NLRP13: variants seen among roughly 807,000 people sequenced by gnomAD.
The protein encoded by NLRP13 is NACHT, LRR and PYD domains-containing protein 13.
A neutral mutation model predicts 94.4 loss-of-function variants in NLRP13; 82 were observed. The ratio of observed to expected loss-of-function variants is 0.87; its 90% CI spans 0.73 to 1.04. The LOEUF is 1.04. Ranked by LOEUF, NLRP13 falls within the 50% of genes least tolerant of loss-of-function variation. The pLI, the probability that NLRP13 is intolerant of heterozygous loss-of-function variation, is 0.00. For synonymous variants in NLRP13, 553 were observed against 464.7 expected, an observed-to-expected ratio of 1.19 and a Z score of -2.45; for missense variants, 1,426 against 1,230.8, an observed-to-expected ratio of 1.16 and a Z score of -2.37.
Position 55,913,163 on chromosome 19 carries a change from T to A in NLRP13, c.654A>T (p.Leu218=). Residue 218 remains leucine (L), a synonymous_variant, in exon 5 of 11, where the codon CTA becomes CTT. Coordinates refer to ENST00000342929, the MANE Select transcript of NLRP13 (RefSeq NM_176810.2). Reference sequence around the variant, plus strand: ...GGGCTCTAGTCCTATTAGGATCCAGTAGGCGCTGCAGTTCCTCATGTTCGT... The same window carrying A: ...GGGCTCTAGTCCTATTAGGATCCAGAAGGCGCTGCAGTTCCTCATGTTCGT... ...SKDEHEELQR[L]LDPNRTRAQA... 6.2e-7 allele frequency: 1 copy of A among 1,614,166 alleles called. No individual in the cohort carries two copies. Among genetic ancestry groups the A allele is most frequent in the South Asian group, 1.1e-5 (1 of 91,074 alleles).
chr19:55,897,407 C>G (rs1986045410), intron 10 of NLRP13, among the ~76,000 whole-genome samples: 1 of 152,070 alleles, frequency 6.6e-6, no homozygotes, highest in Non-Finnish European at 1.5e-5. Context: ...GTTGTCCCAG[C>G]TACTCAGGAG....
At chr19:55,909,753 G>A (rs572335285) in intron 6 of NLRP13, among the ~76,000 whole-genome samples, 1 of 152,176 alleles carries the variant, frequency 6.6e-6, no homozygotes, top group Admixed American at 6.5e-5. Context: ...GTAATAGAAG[G>A]CCTGATGGCT....
At position 55,912,153 on chromosome 19, in the gene NLRP13, T is replaced by G; in HGVS notation, c.1664A>C (p.Glu555Ala). The change falls in exon 5 of 11, where the codon GAA (glutamate) becomes GCA (alanine). Residue 555 changes from glutamate to alanine, a missense_variant. Physicochemically the swap from Glu to Ala is moderately radical, Grantham distance 107. Coordinates refer to ENST00000342929, the MANE Select transcript of NLRP13 (RefSeq NM_176810.2). ...TGGCTTTGTGGAATGGGGAGGGAAT[T>G]CTCTAGGTTCCTCTAGCACAAAGGA... ...AMSFVLEEPR[E>A]FPPHSTKPQE... 4 of 1,614,134 alleles carry G rather than the reference T, an allele frequency of 2.5e-6. No individual in the cohort carries two copies. Among genetic ancestry groups the G allele is most frequent in the Non-Finnish European group, 2.5e-6 (3 of 1,180,026 alleles).
At chr19:55,907,061 C>T (rs532411433) in intron 7 of NLRP13, among the ~76,000 whole-genome samples, 37 of 152,180 alleles carry the variant, frequency 2.4e-4, no homozygotes, top group Admixed American at 1.4e-3. Flanking sequence ...CGGGTTCAAG[C>T]GAGTCTCCTG....
At chr19:55,925,270 C>T (rs375585833) in intron 1 of NLRP13, among the ~76,000 whole-genome samples, 7 of 152,232 alleles carry the variant, frequency 4.6e-5, no homozygotes, top group African/African-American at 9.6e-5. Context: ...CAGCCCTCCC[C>T]GCTGCCTGGA....
At chr19:55,904,435 C>G (rs1013143759) in intron 8 of NLRP13, among the ~76,000 whole-genome samples, 37 of 152,138 alleles carry the variant, frequency 2.4e-4, no homozygotes, top group Middle Eastern at 3.2e-3. Flanking sequence ...ATACGGCTGC[C>G]TCCCCCTTGC....
chr19:55,899,399 TGAGGTGGG>T (rs2123104067), intron 9 of NLRP13, among the ~76,000 whole-genome samples: 1 of 152,234 alleles, frequency 6.6e-6, no homozygotes, highest in South Asian at 2.1e-4. Context: ...AAATATGGGT[TGAGGTGGG>T]GAGGGATGAG....
chr19:55,894,754 CCT>C (rs1036171554), downstream of NLRP13, among the ~76,000 whole-genome samples: 26 of 152,300 alleles, frequency 1.7e-4, no homozygotes, highest in African/African-American at 5.1e-4. Context: ...TTGTTTCCCC[CCT>C]GTCTACCATG....
At position 55,895,979 on chromosome 19, in the gene NLRP13, T is replaced by C. The variant is rs762565642; in HGVS notation, c.3098A>G (p.Lys1033Arg). 3 of 1,613,964 alleles carry C rather than the reference T, an allele frequency of 1.9e-6. No homozygotes were observed. The highest frequency in any genetic ancestry group is 2.7e-5 in the African/African-American group (2 of 74,932). The part of the protein sequence containing the change: ...DGVKMLCKAL[K>R]KSTCRLQKLG ...TTTCTGCAGCCTGCATGTCGACTTTTTCAAAGCCTTACATAGCATCTTGAC... is the reference window on the plus strand; with the variant it reads ...TTTCTGCAGCCTGCATGTCGACTTTCTCAAAGCCTTACATAGCATCTTGAC... The change falls in exon 11 of 11, where the codon AAA becomes AGA. Residue 1033 changes from lysine to arginine, a missense_variant. By Grantham distance (26) the Lys-to-Arg change is conservative (BLOSUM62 2). Coordinates refer to ENST00000342929, the MANE Select transcript of NLRP13 (RefSeq NM_176810.2).
intron 1 of NLRP13, among the ~76,000 whole-genome samples, chr19:55,929,680 G>A (rs972882677): frequency 2.0e-5 from 3 of 152,086 alleles, no homozygotes; most frequent in African/African-American, 7.2e-5. Context: ...TGTACATGAT[G>A]GGTTGATCGG....
At chr19:55,898,683 T>C in intron 10 of NLRP13, 87 bp downstream of exon 10, 1 of 1,366,076 alleles carries the variant, frequency 7.3e-7, no homozygotes, top group South Asian at 1.5e-5. Flanking sequence ...TTGCCTCACT[T>C]TCTAACCCCC....
At chr19:55,894,816 T>G (rs1426614089), downstream of NLRP13, among the ~76,000 whole-genome samples, 1 of 152,124 alleles carries the variant, frequency 6.6e-6, no homozygotes, top group Non-Finnish European at 1.5e-5. Context: ...CACAAGTTAA[T>G]GGCTATGGAG....
Position 55,898,696 on chromosome 19 carries a change from T to C in NLRP13, c.2957+74A>G, listed in dbSNP as rs917319588. On this transcript the variant is annotated intron_variant, in intron 10 of 10. Transcript: ENST00000342929. ...CTTTGCCTCACTTTCTAACCCCCGA[T>C]GGGATCCGATCATATCTCCCCACCC... 2.8e-6 allele frequency: 4 copies of C among 1,423,006 alleles called. No homozygotes were observed. The African/African-American group carries it at 4.3e-5, about 15-fold the overall frequency. 88.1% of individuals were successfully genotyped at this position (1,423,006 alleles called of 1,614,324 possible).
chr19:55,919,013 A>G (rs987123437), intron 4 of NLRP13, among the ~76,000 whole-genome samples: 3 of 152,100 alleles, frequency 2.0e-5, no homozygotes, highest in East Asian at 1.9e-4. Flanking sequence ...CATAAAAAAG[A>G]TAATACACCA....
chr19:55,923,874 A>G (rs765394171), intron 4 of NLRP13, 40 bp downstream of exon 4: 4 of 1,493,254 alleles, frequency 2.7e-6, no homozygotes, highest in Non-Finnish European at 3.7e-6. Context: ...AATGCTCGTC[A>G]AGCAACCTGT....
At chr19:55,930,332 C>T (rs1179573501) in intron 1 of NLRP13, among the ~76,000 whole-genome samples, 2 of 152,138 alleles carry the variant, frequency 1.3e-5, no homozygotes, top group East Asian at 1.9e-4. Flanking sequence ...AGTAATAGGA[C>T]CTCCTTCTTA....
At chr19:55,930,686 CAA>C (rs9304769) in intron 1 of NLRP13, among the ~76,000 whole-genome samples, 28,875 of 92,524 alleles carry the variant, frequency 0.31, 3,140 homozygotes, top group Admixed American at 0.37. Flanking sequence ...AACTCCATCT[CAA>C]AAAAAAAAAA....
intron 4 of NLRP13, among the ~76,000 whole-genome samples, chr19:55,914,295 A>G (rs558016232): frequency 1.1e-4 from 16 of 152,326 alleles, no homozygotes; most frequent in African/African-American, 3.8e-4. Context: ...TGAGCATTCT[A>G]GAGTATAGTG....
intron 1 of NLRP13, among the ~76,000 whole-genome samples, chr19:55,930,441 T>C (rs1987083324): frequency 6.6e-6 from 1 of 151,980 alleles, no homozygotes; most frequent in Admixed American, 6.6e-5. Context: ...ATCCCAGAAT[T>C]TTGGGAGGCT....
Sources: gnomAD v4.1 joint callset for allele counts (sites outside exome capture counted in the v4.1 genomes callset) on GRCh38, gnomAD v4.1.1 for gene constraint, MANE v1.5 for transcripts, NCBI Gene and HGNC (gene_info 2026-07-23, HGNC 2026-07-21) for gene names.